The following LCT variants were observed in gnomAD, a reference collection of about 807,000 sequenced individuals.
LCT encodes lactase, also known as lactase/phlorizin hydrolase.
In LCT, 90 loss-of-function variants were observed where a neutral mutation model predicts 173.0. That is an observed-to-expected ratio of 0.52 (90% CI 0.44 to 0.62). The LOEUF is 0.62. Ranked by LOEUF, LCT falls within the 20% of genes least tolerant of loss-of-function variation. LCT has a pLI of 0.00. For missense variants in LCT, 1,864 were observed against 2,431.4 expected (o/e 0.77, Z 4.91); for synonymous variants, 853 against 957.6 (o/e 0.89, Z 2.02).
At chr2:135,816,114 C>T (rs896985974) in intron 6 of LCT, among the ~76,000 whole-genome samples, 6 of 152,082 alleles carry the variant, frequency 3.9e-5, no homozygotes, top group African/African-American at 7.2e-5. Context: ...TGGGAGATTC[C>T]GAAGAAAAAG....
chr2:135,820,290 G>A (rs1011998187), intron 5 of LCT: 7 of 152,242 alleles, frequency 4.6e-5, no homozygotes, highest in African/African-American at 1.4e-4. Flanking sequence ...GAGAATCTCC[G>A]AGCTGGTGTC....
intron 5 of LCT, among the ~76,000 whole-genome samples, chr2:135,819,432 G>C (rs1310876974): frequency 2.0e-5 from 3 of 152,066 alleles, no homozygotes; most frequent in Admixed American, 6.6e-5. Context: ...CACATGCCTG[G>C]GGAAAAGGAC....
At chr2:135,836,486 A>G in intron 1 of LCT, 44 bp downstream of exon 1, 1 of 1,585,960 alleles carries the variant, frequency 6.3e-7, no homozygotes, top group Non-Finnish European at 8.7e-7. Context: ...AAGGTGTGTG[A>G]TGAAGGTTGC....
At chr2:135,794,887 G>C (rs1410863806) in intron 13 of LCT, 112 bp from the exon 14 acceptor site, 1 of 1,211,378 alleles carries the variant, frequency 8.3e-7, no homozygotes, top group East Asian at 2.3e-5. Context: ...ACTTGGCAGT[G>C]AGTAGGGGAA....
chr2:135,816,577 C>T (rs1159885978), intron 6 of LCT, among the ~76,000 whole-genome samples: 1 of 152,208 alleles, frequency 6.6e-6, no homozygotes, highest in Admixed American at 6.5e-5. Context: ...CCACCCTGAT[C>T]AGGCTAAATG....
rs2077647713 is a variant in LCT at position 135,803,944 on chromosome 2, C to T, written c.4649G>A (p.Gly1550Glu). The T allele has an allele frequency of 6.2e-7, 1 of 1,613,816 alleles. No individual in the cohort carries two copies. Among genetic ancestry groups the T allele is most frequent in the African/African-American group, 1.3e-5 (1 of 74,936 alleles). Residue 1550 changes from glycine to glutamate, a missense_variant, in exon 11 of 17, where the codon GGA becomes GAA. Physicochemically the swap from Gly to Glu is moderately conservative, Grantham distance 98 (BLOSUM62 -2). Transcript: ENST00000264162. ...CTGGGACTTACCTGGAGCTGCTGTT[C>T]CGTAGCCATAGCCCTGGTAAGCAAT... The part of the protein sequence containing the change: ...FVIAYQGYGY[G>E]TAAPGVSNRP...
At chr2:135,812,084 CA>C (rs2077738679) in intron 7 of LCT, among the ~76,000 whole-genome samples, 1 of 152,146 alleles carries the variant, frequency 6.6e-6, no homozygotes. Flanking sequence ...GACCCTGTCT[CA>C]AAAACAAAAC....
chr2:135,822,032 C>T lies in LCT; in HGVS notation c.974G>A (p.Ser325Asn). The change falls in exon 5 of 17, where the codon AGT becomes AAT. Residue 325 changes from serine (S) to asparagine (N), a missense_variant. By Grantham distance (46) the Ser-to-Asn change is conservative. Coordinates refer to ENST00000264162, the MANE Select transcript of LCT (RefSeq NM_002299.4). The part of the protein sequence containing the change: ...DINEFLSCSS[S>N]SKKSMSCSLT... Reference sequence around the variant, plus strand: ...AACCTGACATTACCTTTTCTTGGAACTTGATGAACAACTCAGAAACTCATT... The same window carrying T: ...AACCTGACATTACCTTTTCTTGGAATTTGATGAACAACTCAGAAACTCATT... The T allele has an allele frequency of 6.3e-7, 1 of 1,598,582 alleles. No individual in the cohort carries two copies. Among genetic ancestry groups the T allele is most frequent in the Non-Finnish European group, 8.6e-7 (1 of 1,165,850 alleles).
chr2:135,826,051 T>C (rs2077886286), intron 3 of LCT, among the ~76,000 whole-genome samples: 1 of 152,236 alleles, frequency 6.6e-6, no homozygotes, highest in Admixed American at 6.5e-5. Flanking sequence ...CAGTGTGCTC[T>C]CCAGCTCAGG....
At chr2:135,836,415 A>G (rs1348439695) in intron 1 of LCT, 115 bp downstream of exon 1, 2 of 942,668 alleles carry the variant, frequency 2.1e-6, no homozygotes, top group Admixed American at 3.4e-5. Flanking sequence ...ATGCACAGAC[A>G]TAAGAGGACT....
rs567060715 is a variant in LCT, at chr2:135,801,469, C to T, written c.4664-660G>A. ...GTGGCTCACACCCATAATCCCAGCA[C>T]TTTGGGAGGCTGAGGCAGGTGGATC... is the stretch of plus-strand genomic sequence containing the variant. On this transcript the variant is annotated intron_variant, in intron 11 of 16. Transcript: ENST00000264162. Among the ~76,000 whole-genome samples the T allele has an allele frequency of 9.5e-4, 145 of 152,138 alleles. 1 individual carries two copies. Among genetic ancestry groups the T allele is most frequent in the African/African-American group, 3.3e-3 (135 of 41,538 alleles).
In LCT at chr2:135,797,196, C is replaced by T. The variant is rs535521780; in HGVS notation, c.4976+833G>A. ...CTCATGACTTCAAGTGATCCGCCCA[C>T]CTTGGCCTCCCAAAGTGCTGGGATT... On this transcript the variant is annotated intron_variant, in intron 13 of 16. Coordinates refer to ENST00000264162, the MANE Select transcript of LCT (RefSeq NM_002299.4). Among the ~76,000 whole-genome samples, 682 of 152,302 alleles carry T rather than the reference C, an allele frequency of 4.5e-3. 3 individuals are homozygous for T. Among genetic ancestry groups the T allele is most frequent in the Non-Finnish European group, 7.4e-3 (500 of 68,022 alleles).
chr2:135,837,137 G>A lies in LCT; in HGVS notation c.33C>T (p.Ala11=). The stretch of plus-strand genomic sequence containing the variant: ...ACCCCCAGCATGAAAAACTTAGCAG[G>A]GCAATAAAGACTACATGCCAAGACA... The part of the protein sequence containing the change: MELSWHVVFI[A]LLSFSCWGSD... Residue 11 remains alanine, a synonymous_variant, in exon 1 of 17, where the codon GCC becomes GCT. Coordinates refer to ENST00000264162, the MANE Select transcript of LCT (RefSeq NM_002299.4). The A allele has an allele frequency of 1.2e-6, 2 of 1,613,708 alleles. No individual in the cohort carries two copies. Among genetic ancestry groups the A allele is most frequent in the Non-Finnish European group, 1.7e-6 (2 of 1,179,978 alleles).
In LCT at chr2:135,788,318, A is replaced by G; in HGVS notation, c.*6T>C. 1.2e-6 allele frequency: 2 copies of G among 1,603,194 alleles called. No individual in the cohort carries two copies. The highest frequency in any genetic ancestry group is 1.7e-6 in the Non-Finnish European group (2 of 1,171,090). ...CCTGCTTCATAGAACTTGAGGTGGT[A>G]ACTCATCAGAATGAAGACACCGGGC... On this transcript the variant is annotated 3_prime_UTR_variant, in exon 17 of 17. Transcript: ENST00000264162.
At chr2:135,789,848 C>CT in intron 15 of LCT, 50 bp from the exon 16 acceptor site, 1 of 1,503,944 alleles carries the variant, frequency 6.6e-7, no homozygotes, top group Non-Finnish European at 9.3e-7. Context: ...CATAAGGCAG[C>CT]TTCCTGCCAG....
chr2:135,812,298 C>G lies in LCT; in HGVS notation c.2353+13G>C. ...ACCCACCTTCCAATCACTGGCACAT[C>G]CATTGTTCTTACCCTTGAGCACCTC... On this transcript the variant is annotated intron_variant, in intron 7 of 16. Transcript: ENST00000264162. 1.2e-6 allele frequency: 2 copies of G among 1,607,544 alleles called. No individual in the cohort carries two copies. Among genetic ancestry groups the G allele is most frequent in the Non-Finnish European group, 1.7e-6 (2 of 1,174,032 alleles).
intron 6 of LCT, among the ~76,000 whole-genome samples, chr2:135,815,584 T>A (rs1002599851): frequency 1.3e-5 from 2 of 152,220 alleles, no homozygotes; most frequent in Non-Finnish European, 2.9e-5. Flanking sequence ...TCTGTAATTT[T>A]GCTACGTGTG....
At chr2:135,799,446 GA>G (rs1458228964) in intron 12 of LCT, among the ~76,000 whole-genome samples, 4 of 151,638 alleles carry the variant, frequency 2.6e-5, no homozygotes, top group African/African-American at 7.3e-5. Context: ...GGTTCAGGTG[GA>G]AATAAAGGTA....
intron 14 of LCT, among the ~76,000 whole-genome samples, chr2:135,793,789 C>T (rs533040619): frequency 1.3e-5 from 2 of 152,156 alleles, no homozygotes; most frequent in South Asian, 2.1e-4. Context: ...AGACAATCGG[C>T]TGGGCGCAGT....
Sources: allele counts gnomAD v4.1 joint callset (sites outside exome capture counted in the v4.1 genomes callset), GRCh38; gene constraint gnomAD v4.1.1; transcripts MANE v1.5; gene names NCBI Gene and HGNC (gene_info 2026-07-23, HGNC 2026-07-21).